GNAI3: variants seen among roughly 807,000 people sequenced by gnomAD.
GNAI3 encodes the protein G protein subunit alpha i3, also known as guanine nucleotide-binding protein G(i) subunit alpha-3.
In GNAI3, 12 loss-of-function variants were observed where a neutral mutation model predicts 41.8. That is an observed-to-expected ratio of 0.29 (90% CI 0.18 to 0.47). The LOEUF is 0.47. GNAI3 is among the 20% of genes least tolerant of loss of function. GNAI3 has a pLI of 1.00. For synonymous variants in GNAI3, 132 were observed against 146.5 expected, an observed-to-expected ratio of 0.90 and a Z score of 0.71; for missense variants, 360 against 429.6, an observed-to-expected ratio of 0.84 and a Z score of 1.43.
At chr1:109,554,433 T>C (rs932829522) in intron 1 of GNAI3, among the ~76,000 whole-genome samples, 9 of 152,226 alleles carry the variant, frequency 5.9e-5, no homozygotes, top group African/African-American at 1.7e-4. Context: ...AGTAAGGTGG[T>C]ATCACATTGT....
chr1:109,584,996 C>G (rs1163932543), intron 5 of GNAI3, among the ~76,000 whole-genome samples: 1 of 152,152 alleles, frequency 6.6e-6, no homozygotes, highest in African/African-American at 2.4e-5. Context: ...AAGATCAACC[C>G]AAAGGAAGAG....
At chr1:109,569,102 A>G (rs2101097790) in intron 1 of GNAI3, among the ~76,000 whole-genome samples, 1 of 152,326 alleles carries the variant, frequency 6.6e-6, no homozygotes, top group Admixed American at 6.5e-5. Context: ...TATTCTCAAA[A>G]ATCTCCGTGA....
chr1:109,557,187 C>T (rs1009718724), intron 1 of GNAI3, among the ~76,000 whole-genome samples: 1 of 152,166 alleles, frequency 6.6e-6, no homozygotes, highest in Non-Finnish European at 1.5e-5. Context: ...CTACCCGCCT[C>T]GACCTCCCAA....
chr1:109,555,963 C>CGTGCGT (rs1163257606), intron 1 of GNAI3, among the ~76,000 whole-genome samples: 2,372 of 144,590 alleles, frequency 0.016, 57 homozygotes, highest in African/African-American at 0.056. Context: ...TGCGTGCGTG[C>CGTGCGT]GTGTGTGTGT....
intron 7 of GNAI3, among the ~76,000 whole-genome samples, chr1:109,588,476 A>G (rs570471401): frequency 4.6e-5 from 7 of 152,344 alleles, no homozygotes; most frequent in African/African-American, 1.4e-4. Flanking sequence ...CTGTAGGCCA[A>G]TCAGTTGAGG....
rs566203921 is a variant in GNAI3 at position 109,593,707 on chromosome 1, G to A, written c.*1385G>A. 6.3e-4 allele frequency: 96 copies of A among 152,506 alleles called. No individual in the cohort carries two copies. The highest frequency in any genetic ancestry group is 1.0e-3 in the Non-Finnish European group (68 of 67,966). 9.4% of individuals were successfully genotyped at this position (152,506 alleles called of 1,614,324 possible). A position where few individuals can be genotyped will look rare whatever the true frequency, so the allele number is the denominator to read the frequency against. ...TTATATCTGCATATGAGTGATATGTGATCATGATTCATTTTGCAGATTTAC... is the reference window on the plus strand; with the variant it reads ...TTATATCTGCATATGAGTGATATGTAATCATGATTCATTTTGCAGATTTAC... On this transcript the variant is annotated 3_prime_UTR_variant, in exon 9 of 9. Transcript: ENST00000369851.
rs144403892 is a variant in GNAI3 at position 109,564,702 on chromosome 1, C to T, written c.119-9035C>T. 2.6e-4 allele frequency among the ~76,000 whole-genome samples: 40 copies of T among 152,262 alleles called. No individual in the cohort carries two copies. The East Asian group carries it at 7.3e-3, about 28-fold the overall frequency. On this transcript the variant is annotated intron_variant, in intron 1 of 8. Transcript: ENST00000369851. ...GACTCCTGTGTTAGGTATTTACCCT[C>T]GATTCGGTCACAGGAAAGGTTGTGG...
chr1:109,577,648 TG>T (rs1409165553), intron 3 of GNAI3, among the ~76,000 whole-genome samples: 1 of 152,060 alleles, frequency 6.6e-6, no homozygotes, highest in African/African-American at 2.4e-5. Flanking sequence ...AGAAGCTAAA[TG>T]AGAGTGGGTT....
rs550402156 is a variant in GNAI3, at chr1:109,568,330, T to C, written c.119-5407T>C. 3.9e-5 allele frequency among the ~76,000 whole-genome samples: 6 copies of C among 152,058 alleles called. No homozygotes were observed. The South Asian group carries it at 1.2e-3, about 32-fold the overall frequency. ...GGGAGGATTGCTTGATCTCAGGAGT[T>C]TGAGCCCAGCCTGGGCAACATAGTG... On this transcript the variant is annotated intron_variant, in intron 1 of 8. Transcript: ENST00000369851.
rs1046470763 is a variant in GNAI3, at chr1:109,596,258, T to C, written c.*3936T>C. On this transcript the variant is annotated 3_prime_UTR_variant, in exon 9 of 9. Coordinates refer to ENST00000369851, the MANE Select transcript of GNAI3 (RefSeq NM_006496.4). ...CTTTTAGTTTTTAAGATCATTTCTC[T>C]CCCTCCTTTCCCCCCAGTTTTCTCA... 3.9e-5 allele frequency: 6 copies of C among 152,222 alleles called. No individual in the cohort carries two copies. The highest frequency in any genetic ancestry group is 1.4e-4 in the African/African-American group (6 of 41,450). 9.4% of individuals were successfully genotyped at this position (152,222 alleles called of 1,614,324 possible). A position where few individuals can be genotyped will look rare whatever the true frequency, so the allele number is the denominator to read the frequency against.
At chr1:109,553,349 A>AG (rs977188649) in intron 1 of GNAI3, among the ~76,000 whole-genome samples, 1 of 152,060 alleles carries the variant, frequency 6.6e-6, no homozygotes, top group Non-Finnish European at 1.5e-5. Context: ...AAACATAAAA[A>AG]AAAACTTTGT....
chr1:109,587,004 G>A (rs1649048476), intron 7 of GNAI3, 122 bp downstream of exon 7: 4 of 680,078 alleles, frequency 5.9e-6, no homozygotes, highest in South Asian at 1.7e-5. Flanking sequence ...CAGTGGTAGT[G>A]GCATTGGCAT....
rs143124147 is a variant in GNAI3, at chr1:109,553,094, T to C, written c.118+4256T>C. 4.8e-4 allele frequency among the ~76,000 whole-genome samples: 73 copies of C among 152,324 alleles called. 2 individuals are homozygous for C. The East Asian group carries it at 0.01, about 21-fold the overall frequency. ...CTATTGATGATGATGATCGTGAGAA[T>C]TACCATTTTAGCTACTTTTTTCAGA... On this transcript the variant is annotated intron_variant, in intron 1 of 8. Coordinates refer to ENST00000369851, the MANE Select transcript of GNAI3 (RefSeq NM_006496.4).
intron 1 of GNAI3, among the ~76,000 whole-genome samples, chr1:109,558,010 A>G (rs1648205187): frequency 6.6e-6 from 1 of 152,228 alleles, no homozygotes; most frequent in African/African-American, 2.4e-5. Flanking sequence ...ATGGAATGAC[A>G]TGGGAGTATT....
chr1:109,579,768 G>A (rs1648839575), intron 4 of GNAI3, among the ~76,000 whole-genome samples: 1 of 152,152 alleles, frequency 6.6e-6, no homozygotes, highest in Non-Finnish European at 1.5e-5. Context: ...CTCTGTGTCT[G>A]GGCCGCACTA....
chr1:109,587,589 G>A (rs1486360613), intron 7 of GNAI3, among the ~76,000 whole-genome samples: 1 of 152,112 alleles, frequency 6.6e-6, no homozygotes, highest in Non-Finnish European at 1.5e-5. Context: ...GACCAGTTGT[G>A]GAACCCAGAA....
At chr1:109,549,231 A>G (rs147944279) in intron 1 of GNAI3, among the ~76,000 whole-genome samples, 7 of 152,314 alleles carry the variant, frequency 4.6e-5, no homozygotes, top group Middle Eastern at 3.4e-3. Context: ...TTGGGCTTGT[A>G]TAATGGTTTG....
chr1:109,550,225 G>C (rs892509738), intron 1 of GNAI3, among the ~76,000 whole-genome samples: 1 of 152,164 alleles, frequency 6.6e-6, no homozygotes, highest in Non-Finnish European at 1.5e-5. Context: ...TAGTCTCTTC[G>C]TGTGAACATA....
chr1:109,566,417 A>G (rs518076), intron 1 of GNAI3, among the ~76,000 whole-genome samples: 14,952 of 152,164 alleles, frequency 0.098, 769 homozygotes, highest in African/African-American at 0.13. Context: ...TGTAGGAGAC[A>G]TGTTTGTTGA....
Sources: allele counts gnomAD v4.1 joint callset (sites outside exome capture counted in the v4.1 genomes callset), GRCh38; gene constraint gnomAD v4.1.1; transcripts MANE v1.5; gene names NCBI Gene and HGNC (gene_info 2026-07-23, HGNC 2026-07-21).